LAMA1: variants seen among roughly 807,000 people sequenced by gnomAD.
The protein encoded by LAMA1 is laminin subunit alpha 1.
A neutral mutation model predicts 348.7 loss-of-function variants in LAMA1; 219 were observed. The observed-to-expected ratio is 0.63, with a 90% confidence interval of 0.56 to 0.70. LAMA1 has a LOEUF of 0.70. Ranked by LOEUF, LAMA1 falls within the 30% of genes least tolerant of loss-of-function variation. The probability of loss-of-function intolerance (pLI) is 0.00; values close to 1 mark genes in which losing one functional copy is unlikely to be tolerated. For missense variants in LAMA1, 3,744 were observed against 3,888.0 expected (o/e 0.96, Z 0.99); for synonymous variants, 1,487 against 1,491.0 (o/e 1.00, Z 0.06).
Position 7,046,291 on chromosome 18 carries a change from TCCCATGGGCAG to T in LAMA1, c.834_844del (p.Ser278ArgfsTer2). 1 of 1,609,406 alleles carries T rather than the reference TCCCATGGGCAG, an allele frequency of 6.2e-7. No individual in the cohort carries two copies. Among genetic ancestry groups the T allele is most frequent in the Non-Finnish European group, 8.5e-7 (1 of 1,176,080 alleles). On this transcript the variant is annotated frameshift_variant, in exon 6 of 63. Transcript: ENST00000389658. LOFTEE classifies it high-confidence loss of function. Reference sequence around the variant, plus strand: ...ACTAGAACTCACCTTTGTAGTTTCATCCCATGGGCAGCTACTAGCATGGCCATAGCAGATAC... The same window carrying T: ...ACTAGAACTCACCTTTGTAGTTTCATCTACTAGCATGGCCATAGCAGATAC...
Position 7,049,275 on chromosome 18 carries a change from A to G in LAMA1, c.589-18T>C, listed in dbSNP as rs1027906591. ...GTATGAATCTGAAGATGAAGGCATC[A>G]AAATAGATGAATGTCAATTGTTTAT... On this transcript the variant is annotated intron_variant, in intron 4 of 62. Coordinates refer to ENST00000389658, the MANE Select transcript of LAMA1 (RefSeq NM_005559.4). 1.3e-6 allele frequency: 2 copies of G among 1,594,058 alleles called. No individual in the cohort carries two copies. The highest frequency in any genetic ancestry group is 1.1e-5 in the South Asian group (1 of 90,636).
At chr18:6,947,542 T>TGTGGCCACAGAAGCAC (rs2057527585) in intron 60 of LAMA1, among the ~76,000 whole-genome samples, 3 of 152,212 alleles carry the variant, frequency 2.0e-5, no homozygotes, top group African/African-American at 7.2e-5. Context: ...CTCCTTCATC[T>TGTGGCCACAGAAGCAC]GTGGCCACAG....
At chr18:7,041,948 T>C (rs1189600571) in intron 9 of LAMA1, among the ~76,000 whole-genome samples, 197 bp downstream of exon 9, 1 of 152,202 alleles carries the variant, frequency 6.6e-6, no homozygotes, top group African/African-American at 2.4e-5. Context: ...AGCAAGGACT[T>C]TGACTACCTT....
intron 4 of LAMA1, among the ~76,000 whole-genome samples, chr18:7,050,340 C>T (rs1340996495): frequency 6.6e-6 from 1 of 152,162 alleles, no homozygotes; most frequent in Non-Finnish European, 1.5e-5. Context: ...TCACCACCTA[C>T]CGAGGAGAAC....
intron 15 of LAMA1, 106 bp downstream of exon 15, chr18:7,032,878 G>C: frequency 1.2e-6 from 1 of 821,496 alleles, no homozygotes; most frequent in Non-Finnish European, 2.0e-6. Context: ...CAAACATTGG[G>C]CTGCTAAAGC....
In LAMA1 at chr18:6,985,318, G is replaced by A; in HGVS notation, c.5579C>T (p.Ser1860Phe). The change falls in exon 39 of 63, where the codon TCC (serine) becomes TTC (phenylalanine). Residue 1860 changes from serine to phenylalanine, a missense_variant. This residue lies in a region of LAMA1 where 1,983 missense variants were observed against 1,934.3 expected (regional missense o/e 1.03). Transcript: ENST00000389658. ...GACCAGGTCGACTGCGTTCCTTTGG[G>A]ACATGTGCATGACCAGGTCATCTAT... is the stretch of plus-strand genomic sequence containing the variant. Reference protein sequence around the residue: ...HHIDDLVMHMSQRNAVDLVYR... With the variant: ...HHIDDLVMHMFQRNAVDLVYR... 2 of 1,614,214 alleles carry A rather than the reference G, an allele frequency of 1.2e-6. No individual in the cohort carries two copies. Among genetic ancestry groups the A allele is most frequent in the Non-Finnish European group, 1.7e-6 (2 of 1,180,048 alleles).
At chr18:7,015,173 T>C (rs542912183) in intron 22 of LAMA1, among the ~76,000 whole-genome samples, 83 of 152,328 alleles carry the variant, frequency 5.4e-4, no homozygotes, top group Non-Finnish European at 9.7e-4. Flanking sequence ...TAACCATCAA[T>C]GCAACAACTA....
At chr18:6,959,558 T>C in intron 53 of LAMA1, 66 bp from the exon 54 acceptor site, 3 of 1,554,066 alleles carry the variant, frequency 1.9e-6, no homozygotes, top group Non-Finnish European at 2.6e-6. Flanking sequence ...AAAACTTTCA[T>C]CTTATGAAGA....
intron 1 of LAMA1, among the ~76,000 whole-genome samples, chr18:7,107,713 A>G (rs896105393): frequency 5.9e-5 from 9 of 152,174 alleles, no homozygotes; most frequent in African/African-American, 2.2e-4. Flanking sequence ...TCTCCTCTCC[A>G]ATGAGGTGTT....
intron 3 of LAMA1, among the ~76,000 whole-genome samples, chr18:7,055,911 C>T (rs1207024538): frequency 6.6e-6 from 1 of 151,266 alleles, no homozygotes; most frequent in African/African-American, 2.5e-5. Flanking sequence ...GAAACCCCGT[C>T]TCCACTAAAA....
intron 55 of LAMA1, chr18:6,957,165 C>A (rs1400405589): frequency 6.4e-6 from 2 of 310,978 alleles, no homozygotes; most frequent in Non-Finnish European, 1.3e-5. Flanking sequence ...CTTCCCCTTG[C>A]CAGGAGGTTG....
At chr18:7,017,662 A>C (rs2057895357) in intron 19 of LAMA1, among the ~76,000 whole-genome samples, 1 of 152,216 alleles carries the variant, frequency 6.6e-6, no homozygotes, top group African/African-American at 2.4e-5. Context: ...CTTCCTCGAC[A>C]TATTTTAAAT....
chr18:7,053,945 A>AT (rs1425651576), intron 3 of LAMA1, among the ~76,000 whole-genome samples: 5 of 151,510 alleles, frequency 3.3e-5, no homozygotes, highest in Admixed American at 6.6e-5. Context: ...TAATCTTTGT[A>AT]TTTTTTTGTG....
At position 6,977,747 on chromosome 18, in the gene LAMA1, C is replaced by T. The variant is rs776741901; in HGVS notation, c.6325G>A (p.Ala2109Thr). The T allele has an allele frequency of 6.2e-7, 1 of 1,614,104 alleles. No homozygotes were observed. Residue 2109 changes from alanine (A) to threonine (T), a missense_variant, in exon 44 of 63, where the codon GCC becomes ACC. Around this residue, in one of 3 missense-constraint regions of LAMA1, gnomAD observed 1,983 missense variants for 1,934.3 expected, o/e 1.03. Coordinates refer to ENST00000389658, the MANE Select transcript of LAMA1 (RefSeq NM_005559.4). ...LSEIKLLISQ[A>T]RKQAASIKVA... is the part of the protein sequence containing the mutation. ...CTCACAGAAGCTGCTTGTTTGCGGG[C>T]CTGGCTGATCAACAGTTTAATTTCT... is the stretch of plus-strand genomic sequence containing the variant.
Position 7,007,174 on chromosome 18 carries a change from T to G in LAMA1, c.4225A>C (p.Ser1409Arg). 1 of 1,614,108 alleles carries G rather than the reference T, an allele frequency of 6.2e-7. No individual in the cohort carries two copies. The highest frequency in any genetic ancestry group is 8.5e-7 in the Non-Finnish European group (1 of 1,180,002). The part of the protein sequence containing the change: ...PCVPCSCNNH[S>R]DTCDPNTGKC... ...CCGGTGTTGGGGTCACAGGTGTCACTGTGGTTGTTGCAACTGCAGGGAACA... is the reference window on the plus strand; with the variant it reads ...CCGGTGTTGGGGTCACAGGTGTCACGGTGGTTGTTGCAACTGCAGGGAACA... Residue 1409 changes from serine to arginine, a missense_variant, in exon 29 of 63, where the codon AGT becomes CGT. Physicochemically the swap from Ser to Arg is moderately radical, Grantham distance 110 (BLOSUM62 -1). Coordinates refer to ENST00000389658, the MANE Select transcript of LAMA1 (RefSeq NM_005559.4).
chr18:6,949,042 C>T lies in LAMA1; in HGVS notation c.8556+59G>A. 17 of 1,604,854 alleles carry T rather than the reference C, an allele frequency of 1.1e-5. No homozygotes were observed. The South Asian group carries it at 1.8e-4, about 17-fold the overall frequency. On this transcript the variant is annotated intron_variant, in intron 59 of 62. Coordinates refer to ENST00000389658, the MANE Select transcript of LAMA1 (RefSeq NM_005559.4). The stretch of plus-strand genomic sequence containing the variant: ...TAAAGATGCCGTGAGGTATGCTCTT[C>T]TACAAAATAAACACGAACACAACGA...
At chr18:7,047,621 A>G (rs1297393762) in intron 5 of LAMA1, among the ~76,000 whole-genome samples, 1 of 152,138 alleles carries the variant, frequency 6.6e-6, no homozygotes, top group Non-Finnish European at 1.5e-5. Flanking sequence ...AATACAAGAA[A>G]CCTGACCTCT....
At chr18:7,041,114 A>G (rs1170112806) in intron 9 of LAMA1, among the ~76,000 whole-genome samples, 7 of 152,140 alleles carry the variant, frequency 4.6e-5, no homozygotes, top group Non-Finnish European at 8.8e-5. Flanking sequence ...GTAGACTTCA[A>G]ATGGGAGAAC....
chr18:7,011,409 C>G lies in LAMA1; in HGVS notation c.3578G>C (p.Gly1193Ala), dbSNP rs1438601600. 1 of 1,609,866 alleles carries G rather than the reference C, an allele frequency of 6.2e-7. No individual in the cohort carries two copies. The highest frequency in any genetic ancestry group is 1.3e-5 in the African/African-American group (1 of 75,004). The change falls in exon 25 of 63, where the codon GGG (glycine) becomes GCG (alanine). Residue 1193 changes from glycine (G) to alanine (A), a missense_variant. This residue lies in a region of LAMA1 where 1,529 missense variants were observed against 1,689.4 expected (regional missense o/e 0.91). Transcript: ENST00000389658. ...SQSNLRGTTE[G>A]VYYQAPDFLL... ...GAAGTCGGGGGCCTGGTAGTAAACCCCCTCGGTCGTGCCCCTCAAGTTACT... is the reference window on the plus strand; with the variant it reads ...GAAGTCGGGGGCCTGGTAGTAAACCGCCTCGGTCGTGCCCCTCAAGTTACT...
Sources: allele counts gnomAD v4.1 joint callset (sites outside exome capture counted in the v4.1 genomes callset), GRCh38; gene constraint gnomAD v4.1.1; regional missense constraint gnomAD v4.1.1; transcripts MANE v1.5; gene names NCBI Gene and HGNC (gene_info 2026-07-23, HGNC 2026-07-21).